Variants in HIPK4 observed in about 807,000 individuals in gnomAD.
HIPK4 encodes the protein homeodomain interacting protein kinase 4, also known as homeodomain-interacting protein kinase 4.
HIPK4 carries 26 observed loss-of-function variants against 44.8 expected under a neutral mutation model. That is an observed-to-expected ratio of 0.58 (90% CI 0.43 to 0.80). The LOEUF (loss-of-function observed/expected upper bound fraction) is 0.80. Among genes scored for constraint, HIPK4 ranks in the 30% least tolerant of loss-of-function variants. The pLI is 0.00. For missense variants in HIPK4, 729 were observed against 862.6 expected, an observed-to-expected ratio of 0.85 and a Z score of 1.94; for synonymous variants, 340 against 355.5, an observed-to-expected ratio of 0.96 and a Z score of 0.49.
chr19:40,389,236 A>G lies in HIPK4; in HGVS notation c.465+202T>C, dbSNP rs1235270229. Reference sequence around the variant, plus strand: ...GCAACTCGGGAGGCTGAGGCAGGATAATCACTTGAACCCAGGAGGCGGAGT... The same window carrying G: ...GCAACTCGGGAGGCTGAGGCAGGATGATCACTTGAACCCAGGAGGCGGAGT... On this transcript the variant is annotated intron_variant, in intron 1 of 3. Coordinates refer to ENST00000291823, the MANE Select transcript of HIPK4 (RefSeq NM_144685.5). This position sits in a 1 kb window ranked among gnomAD's most constrained non-coding sequence, Gnocchi z 4.6. 6.6e-6 allele frequency among the ~76,000 whole-genome samples: 1 copy of G among 152,088 alleles called. No individual in the cohort carries two copies. Among genetic ancestry groups the G allele is most frequent in the Non-Finnish European group, 1.5e-5 (1 of 68,006 alleles).
At chr19:40,379,899 C>T (rs758379237) in intron 3 of HIPK4, 130 bp from the exon 4 acceptor site, 2 of 964,102 alleles carry the variant, frequency 2.1e-6, no homozygotes, top group Non-Finnish European at 3.0e-6. Context: ...CTTTATTGCC[C>T]CTTTGTAGTG....
Position 40,390,106 on chromosome 19 carries a change from A to C in HIPK4, c.-204T>G. On this transcript the variant is annotated 5_prime_UTR_variant, in exon 1 of 4. Transcript: ENST00000291823. The stretch of plus-strand genomic sequence containing the variant: ...ACACTGTCAGTCTGCCAGGGGCTGC[A>C]CCCCTCCCCAGAAACCCTCCTGGCT... 1.7e-6 allele frequency: 1 copy of C among 584,052 alleles called. No homozygotes were observed. The highest frequency in any genetic ancestry group is 3.0e-6 in the Non-Finnish European group (1 of 327,902). The allele number at this position is 584,052 out of a possible 1,614,324, so 36.2% of individuals were successfully genotyped here. A position where few individuals can be genotyped will look rare whatever the true frequency, so the allele number is the denominator to read the frequency against.
rs2079329063 is a variant in HIPK4 at position 40,380,559 on chromosome 19, A to G, written c.1432T>C (p.Tyr478His). Residue 478 changes from tyrosine (Y) to histidine (H), a missense_variant, in exon 3 of 4, where the codon TAC (tyrosine) becomes CAC (histidine). This residue lies in a region of HIPK4 where 533 missense variants were observed against 567.5 expected (regional missense o/e 0.94). Coordinates refer to ENST00000291823, the MANE Select transcript of HIPK4 (RefSeq NM_144685.5). The surrounding 1 kb of genome is among the most constrained non-coding windows in gnomAD (Gnocchi z 4.2). ...DSGPEPILAF[Y>H]SSRLAGRHKA... ...TGGCGGCCTGCCAGGCGGCTGCTGTAGAAGGCCAGGATGGGCTCAGGGCCC... is the reference window on the plus strand; with the variant it reads ...TGGCGGCCTGCCAGGCGGCTGCTGTGGAAGGCCAGGATGGGCTCAGGGCCC... 1 of 1,612,266 alleles carries G rather than the reference A, an allele frequency of 6.2e-7. No individual in the cohort carries two copies.
At position 40,380,681 on chromosome 19, in the gene HIPK4, GCCT is replaced by G. The variant is rs747382950; in HGVS notation, c.1307_1309del (p.Glu436del). ...GGTCTCACCCCACAGCCCATGCCCA[GCCT>G]CCTGCAGACTCAGGTCATCCAGCTG... On this transcript the variant is annotated inframe_deletion, in exon 3 of 4. Transcript: ENST00000291823. This position sits in a 1 kb window ranked among gnomAD's most constrained non-coding sequence, Gnocchi z 4.2. 1.3e-4 allele frequency: 214 copies of G among 1,614,072 alleles called. No homozygotes were observed. Among genetic ancestry groups the G allele is most frequent in the South Asian group, 3.0e-4 (27 of 91,086 alleles).
In HIPK4 at chr19:40,383,899, G is replaced by T. The variant is rs762474104; in HGVS notation, c.706C>A (p.Pro236Thr). The part of the protein sequence containing the change: ...YICETQGLPK[P>T]HLLHAACKAH... ...TTGCAGGCGGCGTGCAACAGGTGTG[G>T]CTTGGGCAGGCCCTGGGTTTCGCAG... is the stretch of plus-strand genomic sequence containing the variant. The change falls in exon 2 of 4, where the codon CCA becomes ACA. Residue 236 changes from proline (P) to threonine (T), a missense_variant. Physicochemically the swap from Pro to Thr is conservative, Grantham distance 38 (BLOSUM62 -1). Around this residue, in one of 2 missense-constraint regions of HIPK4, gnomAD observed 533 missense variants for 567.5 expected, o/e 0.94. Coordinates refer to ENST00000291823, the MANE Select transcript of HIPK4 (RefSeq NM_144685.5). 2 of 1,614,146 alleles carry T rather than the reference G, an allele frequency of 1.2e-6. No homozygotes were observed. Among genetic ancestry groups the T allele is most frequent in the Non-Finnish European group, 1.7e-6 (2 of 1,180,016 alleles).
rs201808332 is a variant in HIPK4, at chr19:40,380,785, C to T, written c.1206G>A (p.Ala402=). ...TGCTGCCGGCCACACTGCCCATACC[C>T]GCAGCCTCCTTCTCCTCAGCCAGAC... ...YYCLAEEKEA[A]GMGSVAGSSP... The change falls in exon 3 of 4, where the codon GCG becomes GCA. Residue 402 remains alanine, a synonymous_variant. Transcript: ENST00000291823. This position sits in a 1 kb window ranked among gnomAD's most constrained non-coding sequence, Gnocchi z 4.2. 159 of 1,614,178 alleles carry T rather than the reference C, an allele frequency of 9.9e-5. No individual in the cohort carries two copies. The East Asian group carries it at 2.1e-3, about 22-fold the overall frequency.
At position 40,383,956 on chromosome 19, in the gene HIPK4, C is replaced by G. The variant is rs750816448; in HGVS notation, c.649G>C (p.Gly217Arg). The change falls in exon 2 of 4, where the codon GGC becomes CGC. Residue 217 changes from glycine to arginine, a missense_variant. Physicochemically the swap from Gly to Arg is moderately radical, Grantham distance 125 (BLOSUM62 -2). Coordinates refer to ENST00000291823, the MANE Select transcript of HIPK4 (RefSeq NM_144685.5). ...CGCACCTGGTCGTACTCGTTGTTGC[C>G]GGGGTAGAGAGGCCAGCCCAGGTGC... ...ELHLGWPLYP[G>R]NNEYDQVRYI... 3.7e-6 allele frequency: 6 copies of G among 1,614,148 alleles called. No individual in the cohort carries two copies.
chr19:40,380,622 G>T lies in HIPK4; in HGVS notation c.1369C>A (p.Leu457Ile). ...TGGTGGCCAGTGATGGCTGCCTTGAGGGGGACCATCATGTCGGAGACCGCA... is the reference window on the plus strand; with the variant it reads ...TGGTGGCCAGTGATGGCTGCCTTGATGGGGACCATCATGTCGGAGACCGCA... ...TNAVSDMMVPLKAAITGHHVP... is the reference protein window; with the variant it reads ...TNAVSDMMVPIKAAITGHHVP... Residue 457 changes from leucine to isoleucine, a missense_variant, in exon 3 of 4, where the codon CTC (leucine) becomes ATC (isoleucine). Coordinates refer to ENST00000291823, the MANE Select transcript of HIPK4 (RefSeq NM_144685.5). This position sits in a 1 kb window ranked among gnomAD's most constrained non-coding sequence, Gnocchi z 4.2. 2 of 1,613,528 alleles carry T rather than the reference G, an allele frequency of 1.2e-6. No individual in the cohort carries two copies. The highest frequency in any genetic ancestry group is 1.7e-6 in the Non-Finnish European group (2 of 1,179,948).
chr19:40,379,337 G>A lies in HIPK4; in HGVS notation c.*250C>T. On this transcript the variant is annotated 3_prime_UTR_variant, in exon 4 of 4. Coordinates refer to ENST00000291823, the MANE Select transcript of HIPK4 (RefSeq NM_144685.5). ...CCAAGGGCGAGCGCAGGGCCAGCGGGGTGCAGCCCCCTTTCCTGCTGTCCT... is the reference window on the plus strand; with the variant it reads ...CCAAGGGCGAGCGCAGGGCCAGCGGAGTGCAGCCCCCTTTCCTGCTGTCCT... 2.0e-6 allele frequency: 1 copy of A among 506,790 alleles called. No homozygotes were observed. Among genetic ancestry groups the A allele is most frequent in the Non-Finnish European group, 3.4e-6 (1 of 290,768 alleles). 31.4% of individuals were successfully genotyped at this position (506,790 alleles called of 1,614,324 possible).
chr19:40,379,550 G>T lies in HIPK4; in HGVS notation c.*37C>A. 4 of 1,468,482 alleles carry T rather than the reference G, an allele frequency of 2.7e-6. No homozygotes were observed. The highest frequency in any genetic ancestry group is 3.6e-6 in the Non-Finnish European group (4 of 1,107,234). The allele number at this position is 1,468,482 out of a possible 1,614,324, so 91.0% of individuals were successfully genotyped here. A position where few individuals can be genotyped will look rare whatever the true frequency, so the allele number is the denominator to read the frequency against. On this transcript the variant is annotated 3_prime_UTR_variant, in exon 4 of 4. Coordinates refer to ENST00000291823, the MANE Select transcript of HIPK4 (RefSeq NM_144685.5). ...TTGGGAGGGAATGCCAGCCCAGCTA[G>T]CGCAGCCCCCAGTGATGGGCAGGGG...
At chr19:40,385,094 A>C (rs1336382007) in intron 1 of HIPK4, among the ~76,000 whole-genome samples, 3 of 152,096 alleles carry the variant, frequency 2.0e-5, no homozygotes, top group African/African-American at 7.2e-5. Flanking sequence ...CTCCCTCTGC[A>C]TGCCATCCAC....
At position 40,380,779 on chromosome 19, in the gene HIPK4, C is replaced by T. The variant is rs2079330811; in HGVS notation, c.1212G>A (p.Met404Ile). ...CLAEEKEAAGMGSVAGSSPFF... is the reference protein window; with the variant it reads ...CLAEEKEAAGIGSVAGSSPFF... ...AGGGGCTGCTGCCGGCCACACTGCC[C>T]ATACCCGCAGCCTCCTTCTCCTCAG... Residue 404 changes from methionine to isoleucine, a missense_variant, in exon 3 of 4, where the codon ATG (methionine) becomes ATA (isoleucine). Physicochemically the swap from Met to Ile is conservative, Grantham distance 10. Around this residue, in one of 2 missense-constraint regions of HIPK4, gnomAD observed 533 missense variants for 567.5 expected, o/e 0.94. Transcript: ENST00000291823. This position sits in a 1 kb window ranked among gnomAD's most constrained non-coding sequence, Gnocchi z 4.2. 1 of 1,614,028 alleles carries T rather than the reference C, an allele frequency of 6.2e-7. No individual in the cohort carries two copies. The highest frequency in any genetic ancestry group is 8.5e-7 in the Non-Finnish European group (1 of 1,179,964).
At chr19:40,382,275 T>TA (rs1180790290) in intron 2 of HIPK4, among the ~76,000 whole-genome samples, 6 of 152,162 alleles carry the variant, frequency 3.9e-5, no homozygotes, top group Non-Finnish European at 7.4e-5. Flanking sequence ...GGCTAAATTT[T>TA]AAAAAAAATT....
rs2079382181 is a variant in HIPK4 at position 40,390,123 on chromosome 19, C to G, written c.-221G>C. 1.0e-5 allele frequency: 6 copies of G among 574,808 alleles called. No homozygotes were observed. Among genetic ancestry groups the G allele is most frequent in the Non-Finnish European group, 1.9e-5 (6 of 321,620 alleles). The allele number at this position is 574,808 out of a possible 1,614,324, so 35.6% of individuals were successfully genotyped here. On this transcript the variant is annotated 5_prime_UTR_variant, in exon 1 of 4. Coordinates refer to ENST00000291823, the MANE Select transcript of HIPK4 (RefSeq NM_144685.5). Reference sequence around the variant, plus strand: ...GGGGCTGCACCCCTCCCCAGAAACCCTCCTGGCTTGGGATGAGGGGCCCCA... The same window carrying G: ...GGGGCTGCACCCCTCCCCAGAAACCGTCCTGGCTTGGGATGAGGGGCCCCA...
intron 1 of HIPK4, among the ~76,000 whole-genome samples, chr19:40,384,497 G>T (rs182825992): frequency 5.3e-5 from 8 of 152,112 alleles, no homozygotes; most frequent in African/African-American, 1.7e-4. Context: ...TAGAGATGGG[G>T]TTTCACTATG....
chr19:40,390,046 C>T lies in HIPK4; in HGVS notation c.-144G>A, dbSNP rs190304260. Reference sequence around the variant, plus strand: ...CTCGTGTCTCCTCCTATGAGGTTGGCCCCTGCTTCCCTGGCACCCCCAAAC... The same window carrying T: ...CTCGTGTCTCCTCCTATGAGGTTGGTCCCTGCTTCCCTGGCACCCCCAAAC... On this transcript the variant is annotated 5_prime_UTR_variant, in exon 1 of 4. Coordinates refer to ENST00000291823, the MANE Select transcript of HIPK4 (RefSeq NM_144685.5). 1.6e-6 allele frequency: 1 copy of T among 637,776 alleles called. No homozygotes were observed. The highest frequency in any genetic ancestry group is 2.7e-6 in the Non-Finnish European group (1 of 370,136). The allele number at this position is 637,776 out of a possible 1,614,324, so 39.5% of individuals were successfully genotyped here. A position where few individuals can be genotyped will look rare whatever the true frequency, so the allele number is the denominator to read the frequency against.
In HIPK4 at chr19:40,383,807, C is replaced by A. The variant is rs772748974; in HGVS notation, c.798G>T (p.Ser266=). The change falls in exon 2 of 4, where the codon TCG becomes TCT. Residue 266 remains serine, a synonymous_variant. Transcript: ENST00000291823. Reference sequence around the variant, plus strand: ...CCTTCGTCTCGGCCAGGTAGTCAGCCGAGGACTTGAGCTGCCAGGGGTTGG... The same window carrying A: ...CCTTCGTCTCGGCCAGGTAGTCAGCAGAGGACTTGAGCTGCCAGGGGTTGG... ...DAANPWQLKS[S]ADYLAETKVR... The A allele has an allele frequency of 6.2e-7, 1 of 1,612,164 alleles. No homozygotes were observed. The highest frequency in any genetic ancestry group is 2.2e-5 in the East Asian group (1 of 44,826).
Position 40,383,783 on chromosome 19 carries a change from C to A in HIPK4, c.822G>T (p.Lys274Asn). ...TGCCCTCACCCAACTTTTCCCTTAC[C>A]TTCGTCTCGGCCAGGTAGTCAGCCG... ...KSSADYLAET[K>N]VRPLERRKYM... The change falls in exon 2 of 4, where the codon AAG (lysine) becomes AAT (asparagine). Residue 274 changes from lysine to asparagine, a missense_variant and splice_region_variant. By Grantham distance (94) the Lys-to-Asn change is moderately conservative (BLOSUM62 0). Transcript: ENST00000291823. The A allele has an allele frequency of 1.9e-6, 3 of 1,599,614 alleles. No homozygotes were observed. Among genetic ancestry groups the A allele is most frequent in the Non-Finnish European group, 1.7e-6 (2 of 1,170,032 alleles).
In HIPK4 at chr19:40,381,187, G is replaced by A. The variant is rs768553137; in HGVS notation, c.823-19C>T. 7 of 1,579,764 alleles carry A rather than the reference G, an allele frequency of 4.4e-6. No individual in the cohort carries two copies. The highest frequency in any genetic ancestry group is 4.3e-6 in the Non-Finnish European group (5 of 1,166,384). ...GGCGCACCTGGCGGGGCATGGAGAA[G>A]GGGGCAGGGTTGACCATTGTGCAGG... On this transcript the variant is annotated intron_variant, in intron 2 of 3. Coordinates refer to ENST00000291823, the MANE Select transcript of HIPK4 (RefSeq NM_144685.5).
Sources: allele counts gnomAD v4.1 joint callset (sites outside exome capture counted in the v4.1 genomes callset), GRCh38; gene constraint gnomAD v4.1.1; regional missense constraint gnomAD v4.1.1; non-coding constraint Gnocchi (gnomAD v3.1); transcripts MANE v1.5; gene names NCBI Gene and HGNC (gene_info 2026-07-23, HGNC 2026-07-21).